Variants in TDRD9 observed in about 807,000 individuals in gnomAD.
TDRD9 encodes tudor domain containing 9, also known as ATP-dependent RNA helicase TDRD9.
In TDRD9, 124 loss-of-function variants were observed where a neutral mutation model predicts 172.6. The ratio of observed to expected loss-of-function variants is 0.72; its 90% CI spans 0.62 to 0.83. The LOEUF is 0.83. Among genes scored for constraint, TDRD9 ranks in the 40% least tolerant of loss-of-function variants. The probability of loss-of-function intolerance (pLI) is 0.00; values close to 1 mark genes in which losing one functional copy is unlikely to be tolerated. For synonymous variants in TDRD9, 619 were observed against 617.1 expected, an observed-to-expected ratio of 1.00 and a Z score of -0.05; for missense variants, 1,479 against 1,714.1, an observed-to-expected ratio of 0.86 and a Z score of 2.42.
rs79764388 is a variant in TDRD9, at chr14:103,980,051, A to C, written c.1011+4498A>C. 2.3e-3 allele frequency among the ~76,000 whole-genome samples: 345 copies of C among 152,098 alleles called. 3 individuals are homozygous for C. The highest frequency in any genetic ancestry group is 8.1e-3 in the African/African-American group (336 of 41,496). ...CCACCATGCTTGGCTAATTAAAAAA[A>C]ATTTTTTTGTGGAGATAGGGTCTTG... On this transcript the variant is annotated intron_variant, in intron 7 of 35. Coordinates refer to ENST00000409874, the MANE Select transcript of TDRD9 (RefSeq NM_153046.3). This position sits in a 1 kb window ranked among gnomAD's most constrained non-coding sequence, Gnocchi z 4.5.
intron 1 of TDRD9, chr14:103,940,963 C>T (rs750597417): frequency 1.3e-6 from 2 of 1,535,390 alleles, no homozygotes; most frequent in South Asian, 2.4e-5. Context: ...AGGAGCAGAG[C>T]AGTCCATGCT....
intron 1 of TDRD9, chr14:103,940,868 C>T (rs1367842093): frequency 6.5e-7 from 1 of 1,535,154 alleles, no homozygotes; most frequent in South Asian, 1.2e-5. Flanking sequence ...GGGAACCTGT[C>T]CTTTGTGTTT....
At chr14:104,049,551 G>A in intron 34 of TDRD9, 57 bp from the exon 35 acceptor site, 3 of 1,361,962 alleles carry the variant, frequency 2.2e-6, no homozygotes, top group Non-Finnish European at 3.0e-6. Flanking sequence ...AAAAATCACA[G>A]CAGTGTTTTC....
chr14:103,985,674 C>T (rs140279674), intron 7 of TDRD9, among the ~76,000 whole-genome samples: 4 of 152,208 alleles, frequency 2.6e-5, no homozygotes, highest in African/African-American at 9.6e-5. Flanking sequence ...GTAGAGGAAC[C>T]CGTAAACCTT....
At chr14:103,968,199 C>T (rs1008005559) in intron 5 of TDRD9, among the ~76,000 whole-genome samples, 7 of 152,254 alleles carry the variant, frequency 4.6e-5, no homozygotes, top group African/African-American at 9.6e-5. Context: ...CTCCTCTCTT[C>T]GAGAGCTTGC....
chr14:104,031,902 G>A (rs2035293962), intron 29 of TDRD9, 115 bp from the exon 30 acceptor site: 1 of 694,476 alleles, frequency 1.4e-6, no homozygotes, highest in Non-Finnish European at 2.3e-6. Flanking sequence ...AAGACATTAT[G>A]AATGAGATGT....
chr14:103,998,791 C>G (rs1566770966), intron 13 of TDRD9, 63 bp downstream of exon 13: 3 of 631,846 alleles, frequency 4.7e-6, no homozygotes, highest in African/African-American at 4.0e-5. Context: ...CATTCAGGTG[C>G]TTTTTTTTTT....
intron 6 of TDRD9, among the ~76,000 whole-genome samples, chr14:103,973,661 C>T (rs570361868): frequency 2.2e-4 from 33 of 152,318 alleles, no homozygotes; most frequent in African/African-American, 7.5e-4. Flanking sequence ...ACTCTGTGTC[C>T]TGCAGTTCAC....
At chr14:104,002,732 C>CTTTTT (rs200744019) in intron 13 of TDRD9, among the ~76,000 whole-genome samples, 1 of 146,816 alleles carries the variant, frequency 6.8e-6, no homozygotes, top group Admixed American at 6.8e-5. Context: ...CTTTTCTTTT[C>CTTTTT]TTTTTTTTTT....
intron 2 of TDRD9, among the ~76,000 whole-genome samples, chr14:103,961,091 A>G (rs1209112219): frequency 1.3e-5 from 2 of 152,140 alleles, no homozygotes; most frequent in Non-Finnish European, 2.9e-5. Context: ...TCCAGTTCAC[A>G]AGGGCCATGG....
chr14:103,974,709 T>C (rs2033166049), intron 6 of TDRD9, among the ~76,000 whole-genome samples: 1 of 152,124 alleles, frequency 6.6e-6, no homozygotes, highest in South Asian at 2.1e-4. Context: ...GGTGTGATCA[T>C]AGATCACTGC....
intron 1 of TDRD9, among the ~76,000 whole-genome samples, chr14:103,954,245 CT>C (rs1241397980): frequency 2.0e-5 from 3 of 152,190 alleles, no homozygotes; most frequent in African/African-American, 4.8e-5. Context: ...AGCTTGTCCC[CT>C]GTTGGACATG....
intron 1 of TDRD9, chr14:103,941,728 T>G: frequency 7.0e-7 from 1 of 1,429,538 alleles, no homozygotes; most frequent in Non-Finnish European, 9.3e-7. Context: ...CACTTGTTTA[T>G]TTGCTCAAAA....
chr14:104,018,908 G>C lies in TDRD9; in HGVS notation c.2432+716G>C, dbSNP rs138260519. ...ACATTAAGTCCATTTTCAATTTGGG[G>C]TAATTCCCTCCGGCATTTTAAGTTC... On this transcript the variant is annotated intron_variant, in intron 23 of 35. Coordinates refer to ENST00000409874, the MANE Select transcript of TDRD9 (RefSeq NM_153046.3). Among the ~76,000 whole-genome samples the C allele has an allele frequency of 1.2e-4, 19 of 152,192 alleles. No individual in the cohort carries two copies. In the East Asian group the frequency reaches 3.7e-3, roughly 29 times the overall value.
intron 13 of TDRD9, 56 bp downstream of exon 13, chr14:103,998,784 T>C: frequency 1.1e-6 from 1 of 894,030 alleles, no homozygotes; most frequent in Non-Finnish European, 1.8e-6. Context: ...AGTGGCACAT[T>C]CAGGTGCTTT....
intron 13 of TDRD9, among the ~76,000 whole-genome samples, chr14:103,999,471 G>A (rs564801363): frequency 3.3e-5 from 5 of 152,302 alleles, no homozygotes; most frequent in African/African-American, 1.2e-4. Context: ...ACTGGGCAGA[G>A]ATGAGGGTGT....
chr14:104,024,180 G>T (rs1263066905), intron 24 of TDRD9, among the ~76,000 whole-genome samples: 1 of 152,104 alleles, frequency 6.6e-6, no homozygotes, highest in East Asian at 1.9e-4. Context: ...TTTTCTAAAG[G>T]TCAAGGTGCA....
chr14:104,008,418 A>G lies in TDRD9; in HGVS notation c.2058A>G (p.Glu686=). 6.5e-7 allele frequency: 1 copy of G among 1,536,732 alleles called. No individual in the cohort carries two copies. Among genetic ancestry groups the G allele is most frequent in the Non-Finnish European group, 9.0e-7 (1 of 1,111,412 alleles). The part of the protein sequence containing the change: ...QTGELRYPKD[E]LNWGRLNYIQ... ...CTGCTTTTATATATTTAAAGGATGA[A>G]CTTAATTGGGGACGGTTAAATTACA... The change falls in exon 20 of 36, where the codon GAA becomes GAG. Residue 686 remains glutamate, a synonymous_variant. Transcript: ENST00000409874.
At chr14:103,981,105 C>T (rs895684222) in intron 7 of TDRD9, among the ~76,000 whole-genome samples, 101 of 152,128 alleles carry the variant, frequency 6.6e-4, no homozygotes, top group African/African-American at 2.3e-3. Context: ...TCTCTTGCCT[C>T]GGCACCTGGG....
Sources: gnomAD v4.1 joint callset for allele counts (sites outside exome capture counted in the v4.1 genomes callset) on GRCh38, gnomAD v4.1.1 for gene constraint, Gnocchi (gnomAD v3.1) non-coding constraint, MANE v1.5 for transcripts, NCBI Gene and HGNC (gene_info 2026-07-23, HGNC 2026-07-21) for gene names.